Variants in FMO4 observed in about 807,000 individuals in gnomAD.
FMO4 encodes the protein flavin containing dimethylaniline monoxygenase 4, also known as dimethylaniline monooxygenase [N-oxide-forming] 4.
A neutral mutation model predicts 43.3 loss-of-function variants in FMO4; 38 were observed. The ratio of observed to expected loss-of-function variants is 0.88; its 90% CI spans 0.68 to 1.15. FMO4 has a LOEUF of 1.15. Ranked by LOEUF, FMO4 falls within the 50% of genes most tolerant of loss-of-function variation. The pLI, the probability that FMO4 is intolerant of heterozygous loss-of-function variation, is 0.00. For missense variants in FMO4, 631 were observed against 663.3 expected (o/e 0.95, Z 0.54); for synonymous variants, 224 against 232.2 (o/e 0.96, Z 0.32).
At chr1:171,320,304 A>G (rs1485279816) in intron 3 of FMO4, among the ~76,000 whole-genome samples, 2 of 152,240 alleles carry the variant, frequency 1.3e-5, no homozygotes, top group Non-Finnish European at 2.9e-5. Context: ...ATTGGTGAAC[A>G]TAAAACAGAT....
intron 5 of FMO4, 53 bp from the exon 6 acceptor site, chr1:171,331,587 G>A (rs1558040541): frequency 6.3e-7 from 1 of 1,578,358 alleles, no homozygotes. Flanking sequence ...CCTGCGTAGT[G>A]AGAAATTATA....
At chr1:171,325,444 TAAGG>T (rs956049774) in intron 5 of FMO4, among the ~76,000 whole-genome samples, 2 of 152,200 alleles carry the variant, frequency 1.3e-5, no homozygotes, top group African/African-American at 4.8e-5. Flanking sequence ...AAAGAACTTT[TAAGG>T]AAGGAAAACC....
At chr1:171,333,220 G>T in intron 7 of FMO4, 1 of 260,062 alleles carries the variant, frequency 3.8e-6, no homozygotes, top group Non-Finnish European at 7.4e-6. Flanking sequence ...TTGTGTTGTT[G>T]ATGTTGTTTT....
intron 3 of FMO4, among the ~76,000 whole-genome samples, chr1:171,322,157 G>C (rs1662460438): frequency 6.6e-6 from 1 of 152,160 alleles, no homozygotes; most frequent in African/African-American, 2.4e-5. Context: ...GGGCTGAAGG[G>C]GACATAGGTT....
chr1:171,325,558 G>A (rs1662621623), intron 5 of FMO4, among the ~76,000 whole-genome samples: 1 of 152,108 alleles, frequency 6.6e-6, no homozygotes, highest in South Asian at 2.1e-4. Flanking sequence ...AAGGAATGAA[G>A]TGAAAATTCA....
At chr1:171,321,763 T>C (rs938179962) in intron 3 of FMO4, among the ~76,000 whole-genome samples, 5 of 152,160 alleles carry the variant, frequency 3.3e-5, no homozygotes, top group Non-Finnish European at 7.4e-5. Flanking sequence ...GACACAATGA[T>C]AAACAAGGTA....
In FMO4 at chr1:171,334,457, C is replaced by G; in HGVS notation, c.874C>G (p.Leu292Val). 1 of 1,609,814 alleles carries G rather than the reference C, an allele frequency of 6.2e-7. No individual in the cohort carries two copies. The highest frequency in any genetic ancestry group is 1.7e-5 in the Admixed American group (1 of 59,064). Reference sequence around the variant, plus strand: ...GAATGATGAGCTGCCAAACTGTATCCTCTGTGGGGCAATCACTATGAAAAC... The same window carrying G: ...GAATGATGAGCTGCCAAACTGTATCGTCTGTGGGGCAATCACTATGAAAAC... Reference protein sequence around the residue: ...IVNDELPNCILCGAITMKTSV... With the variant: ...IVNDELPNCIVCGAITMKTSV... Residue 292 changes from leucine to valine, a missense_variant, in exon 8 of 10, where the codon CTC becomes GTC. Physicochemically the swap from Leu to Val is conservative, Grantham distance 32 (BLOSUM62 1). Coordinates refer to ENST00000367749, the MANE Select transcript of FMO4 (RefSeq NM_002022.3).
chr1:171,331,740 T>C lies in FMO4; in HGVS notation c.585T>C (p.Thr195=), dbSNP rs1662908313. The change falls in exon 6 of 10, where the codon ACT becomes ACC. Residue 195 remains threonine, a synonymous_variant. Coordinates refer to ENST00000367749, the MANE Select transcript of FMO4 (RefSeq NM_002022.3). The part of the protein sequence containing the change: ...KRVLVIGLGN[T]GGDIAVELSR... ...TCTTGGTGATTGGTCTTGGGAACAC[T>C]GGAGGAGACATTGCTGTGGAACTCA... is the stretch of plus-strand genomic sequence containing the variant. 1 of 1,614,002 alleles carries C rather than the reference T, an allele frequency of 6.2e-7. No homozygotes were observed. Among genetic ancestry groups the C allele is most frequent in the Non-Finnish European group, 8.5e-7 (1 of 1,179,890 alleles).
chr1:171,341,635 C>T lies in FMO4; in HGVS notation c.1473C>T (p.Asp491=). The part of the protein sequence containing the change: ...GARNAILTQW[D]RTLKPLKTRI... Reference sequence around the variant, plus strand: ...GAAATGCCATCCTGACCCAGTGGGACAGAACATTGAAACCTTTAAAAACTC... The same window carrying T: ...GAAATGCCATCCTGACCCAGTGGGATAGAACATTGAAACCTTTAAAAACTC... The change falls in exon 10 of 10, where the codon GAC becomes GAT. Residue 491 remains aspartate, a synonymous_variant. Coordinates refer to ENST00000367749, the MANE Select transcript of FMO4 (RefSeq NM_002022.3). The T allele has an allele frequency of 6.2e-7, 1 of 1,613,928 alleles. No individual in the cohort carries two copies. The highest frequency in any genetic ancestry group is 1.7e-4 in the Middle Eastern group (1 of 6,058).
At chr1:171,329,206 A>G (rs1662800883) in intron 5 of FMO4, among the ~76,000 whole-genome samples, 1 of 150,038 alleles carries the variant, frequency 6.7e-6, no homozygotes. Context: ...ACTGGCCCCA[A>G]TCCTGGGCTA....
intron 9 of FMO4, among the ~76,000 whole-genome samples, chr1:171,339,507 G>A (rs1244267413): frequency 1.3e-5 from 2 of 152,238 alleles, no homozygotes; most frequent in Non-Finnish European, 2.9e-5. Context: ...ACATCCCAGC[G>A]AAGATCCTTT....
intron 9 of FMO4, among the ~76,000 whole-genome samples, chr1:171,340,954 T>A (rs1292425564): frequency 2.6e-5 from 4 of 152,054 alleles, no homozygotes; most frequent in African/African-American, 7.2e-5. Context: ...GTGTAAAAAA[T>A]GGAAAAAAAC....
At chr1:171,324,426 T>C (rs1246496008) in intron 5 of FMO4, 126 bp downstream of exon 5, 1 of 689,622 alleles carries the variant, frequency 1.5e-6, no homozygotes, top group Admixed American at 2.8e-5. Context: ...TCAAAAATAA[T>C]ATGTGCAAAA....
At chr1:171,333,028 C>A (rs538318053) in intron 7 of FMO4, 120 bp downstream of exon 7, 2 of 642,468 alleles carry the variant, frequency 3.1e-6, no homozygotes, top group East Asian at 5.6e-5. Context: ...ACTCTAAATC[C>A]ATTTCCCTAA....
At chr1:171,339,746 T>C (rs1663285267) in intron 9 of FMO4, among the ~76,000 whole-genome samples, 1 of 152,156 alleles carries the variant, frequency 6.6e-6, no homozygotes, top group African/African-American at 2.4e-5. Flanking sequence ...GTTCAGAGAC[T>C]GGAGGAACAG....
chr1:171,340,972 G>T (rs2101912636), intron 9 of FMO4, among the ~76,000 whole-genome samples: 1 of 152,118 alleles, frequency 6.6e-6, no homozygotes, highest in East Asian at 1.9e-4. Flanking sequence ...AACATAAAAA[G>T]CAGAACTTTA....
Position 171,315,918 on chromosome 1 carries a change from A to G in FMO4, c.-150-268A>G, listed in dbSNP as rs149449795. 2.0e-5 allele frequency among the ~76,000 whole-genome samples: 3 copies of G among 152,266 alleles called. No homozygotes were observed. The East Asian group carries it at 5.8e-4, about 29-fold the overall frequency. On this transcript the variant is annotated intron_variant, in intron 1 of 9. Transcript: ENST00000367749. The stretch of plus-strand genomic sequence containing the variant: ...GCCTAGAGCATGCTGCTACCATAGG[A>G]CTTAGCACAAGGTAGTATCAGCCTC...
intron 5 of FMO4, among the ~76,000 whole-genome samples, chr1:171,329,183 A>G (rs773062152): frequency 1.3e-5 from 2 of 151,582 alleles, no homozygotes; most frequent in African/African-American, 2.4e-5. Flanking sequence ...GAGAGAAGAA[A>G]AGTTCTTTCT....
intron 7 of FMO4, among the ~76,000 whole-genome samples, chr1:171,333,669 G>C (rs972268371): frequency 1.3e-5 from 2 of 151,816 alleles, no homozygotes; most frequent in African/African-American, 2.4e-5. Context: ...ATCTTTTTTT[G>C]TTTTGTTTCT....
Sources: allele counts gnomAD v4.1 joint callset (sites outside exome capture counted in the v4.1 genomes callset), GRCh38; gene constraint gnomAD v4.1.1; transcripts MANE v1.5; gene names NCBI Gene and HGNC (gene_info 2026-07-23, HGNC 2026-07-21).